The following MYO16 variants were observed in gnomAD, a reference collection of about 807,000 sequenced individuals.
MYO16 encodes myosin XVI.
Under a neutral mutation model 205.3 loss-of-function variants are expected in MYO16, and 94 were observed. The observed-to-expected ratio is 0.46, with a 90% CI of 0.39 to 0.54. The LOEUF is 0.54. Among genes scored for constraint, MYO16 ranks in the 20% least tolerant of loss-of-function variants. MYO16 has a pLI of 0.00. For missense variants in MYO16, 2,315 were observed against 2,387.5 expected, an observed-to-expected ratio of 0.97 and a Z score of 0.63; for synonymous variants, 988 against 954.0, an observed-to-expected ratio of 1.04 and a Z score of -0.66.
chr13:108,934,357 A>G (rs573002112), intron 16 of MYO16, among the ~76,000 whole-genome samples: 3 of 152,058 alleles, frequency 2.0e-5, no homozygotes, highest in Admixed American at 6.6e-5. Flanking sequence ...GATGAAAAGC[A>G]TTTTTTCTTA....
intron 2 of MYO16, among the ~76,000 whole-genome samples, chr13:108,689,961 A>G (rs1882827309): frequency 6.6e-6 from 1 of 152,176 alleles, no homozygotes; most frequent in Admixed American, 6.5e-5. Flanking sequence ...ATATGTACCT[A>G]AGTTATTTTG....
intron 16 of MYO16, among the ~76,000 whole-genome samples, chr13:108,940,446 A>G (rs1462913595): frequency 1.3e-5 from 2 of 152,154 alleles, no homozygotes. Context: ...GTGCATTCCA[A>G]TTAGTAATGG....
chr13:108,552,989 AG>A, the MYO16 span, among the ~76,000 whole-genome samples: 1 of 137,544 alleles, frequency 7.3e-6, no homozygotes, highest in Non-Finnish European at 1.5e-5. Flanking sequence ...CCCAACTCTT[AG>A]TACTCTTTAA....
At chr13:109,202,701 G>A (rs193205342) in intron 34 of MYO16, among the ~76,000 whole-genome samples, 52 of 151,984 alleles carry the variant, frequency 3.4e-4, no homozygotes, top group Non-Finnish European at 7.4e-5. Flanking sequence ...ACTAGAAAAA[G>A]CAATCCTAAA....
At chr13:108,891,191 T>G (rs192707888) in intron 14 of MYO16, among the ~76,000 whole-genome samples, 1 of 152,376 alleles carries the variant, frequency 6.6e-6, no homozygotes, top group African/African-American at 2.4e-5. Context: ...ACAACCCATT[T>G]GTATGTCATC....
At chr13:108,944,651 A>C (rs28402850) in intron 16 of MYO16, among the ~76,000 whole-genome samples, 1 of 152,208 alleles carries the variant, frequency 6.6e-6, no homozygotes, top group African/African-American at 2.4e-5. Flanking sequence ...ATAGTATGAG[A>C]GCGATTACTA....
intron 32 of MYO16, among the ~76,000 whole-genome samples, chr13:109,157,188 A>G (rs1320577016): frequency 7.3e-6 from 1 of 136,680 alleles, no homozygotes; most frequent in African/African-American, 2.8e-5. Flanking sequence ...TCTACTTCTA[A>G]TCTCTCCTCA....
chr13:108,721,682 G>A (rs528710308), intron 3 of MYO16, among the ~76,000 whole-genome samples: 3 of 152,286 alleles, frequency 2.0e-5, no homozygotes, highest in Non-Finnish European at 2.9e-5. Flanking sequence ...CAATGTAAGC[G>A]TTCAGTGATT....
At chr13:109,080,214 G>A (rs949894415) in intron 27 of MYO16, among the ~76,000 whole-genome samples, 1 of 152,030 alleles carries the variant, frequency 6.6e-6, no homozygotes, top group South Asian at 2.1e-4. Context: ...TGATAATGTG[G>A]ATAATATTTT....
chr13:108,718,024 C>T (rs1037857391), intron 3 of MYO16, among the ~76,000 whole-genome samples: 9 of 152,000 alleles, frequency 5.9e-5, no homozygotes, highest in South Asian at 2.1e-4. Context: ...TGCCCAAAAC[C>T]GAGCTGCTCT....
Position 108,629,805 on chromosome 13 carries a change from T to C in MYO16, c.-40T>C, listed in dbSNP as rs1879892702. On this transcript the variant is annotated 5_prime_UTR_variant, in exon 1 of 35. It removes an upstream start codon present in the reference 5' UTR. Transcript: ENST00000457511. ...GAACGACAGTTGTGACAGAAGAGAA[T>C]GCTGGAACCCGTAGCAAGATTCCTG... The C allele has an allele frequency of 6.6e-7, 1 of 1,519,530 alleles. No homozygotes were observed. Among genetic ancestry groups the C allele is most frequent in the East Asian group, 2.5e-5 (1 of 40,612 alleles). 94.1% of individuals were successfully genotyped at this position (1,519,530 alleles called of 1,614,324 possible). A position where few individuals can be genotyped will look rare whatever the true frequency, so the allele number is the denominator to read the frequency against.
rs1303844561 is a variant in MYO16, at chr13:108,905,751, CACTTTCCTCAGGAGCTTACTTTTCTTAA to C, written c.1778-4241_1778-4214del. Among the ~76,000 whole-genome samples the C allele has an allele frequency of 2.2e-5, 3 of 134,612 alleles. No individual in the cohort carries two copies. In the East Asian group the frequency reaches 7.3e-4, roughly 33 times the overall value. The allele number at this position is 134,612 out of a possible 152,430, so 88.3% of individuals were successfully genotyped here. A position where few individuals can be genotyped will look rare whatever the true frequency, so the allele number is the denominator to read the frequency against. ...TTGATGATATTGTTTCCTTTTCTTA[CACTTTCCTCAGGAGCTTACTTTTCTTAA>C]ACTTTCCTCAAGAGCTTACTTGTAA... On this transcript the variant is annotated intron_variant, in intron 15 of 34. Coordinates refer to ENST00000457511, the MANE Select transcript of MYO16 (RefSeq NM_001198950.3).
intron 9 of MYO16, among the ~76,000 whole-genome samples, chr13:108,841,137 G>C (rs1185561792): frequency 6.6e-6 from 1 of 152,130 alleles, no homozygotes; most frequent in Non-Finnish European, 1.5e-5. Flanking sequence ...CTGGTTTCAA[G>C]GCTAAATGAG....
At chr13:109,128,772 T>TG (rs1444600573) in intron 31 of MYO16, among the ~76,000 whole-genome samples, 1 of 145,466 alleles carries the variant, frequency 6.9e-6, no homozygotes, top group African/African-American at 2.7e-5. Flanking sequence ...TTTTTAGTTT[T>TG]TTTTTTTTTT....
chr13:108,953,573 T>G (rs891285960), intron 16 of MYO16, among the ~76,000 whole-genome samples: 3 of 152,014 alleles, frequency 2.0e-5, no homozygotes, highest in Non-Finnish European at 4.4e-5. Context: ...AGTTTTGTTT[T>G]TTTTTTTTTA....
chr13:109,103,890 T>C (rs1226374456), intron 28 of MYO16, among the ~76,000 whole-genome samples: 1 of 152,232 alleles, frequency 6.6e-6, no homozygotes, highest in Non-Finnish European at 1.5e-5. Context: ...CTGGAATTTT[T>C]AGTATTTAAT....
At chr13:109,177,823 C>G (rs2139911025) in intron 33 of MYO16, among the ~76,000 whole-genome samples, 1 of 152,182 alleles carries the variant, frequency 6.6e-6, no homozygotes, top group East Asian at 1.9e-4. Context: ...GCCCCGACTT[C>G]TAATTTATAA....
At chr13:108,819,453 T>A (rs988485730) in intron 7 of MYO16, among the ~76,000 whole-genome samples, 14 of 152,060 alleles carry the variant, frequency 9.2e-5, no homozygotes, top group Admixed American at 3.9e-4. Context: ...GTGCTAAGCA[T>A]ATAGAGAAGA....
chr13:108,671,637 G>A (rs894315495), intron 2 of MYO16, among the ~76,000 whole-genome samples: 2 of 152,078 alleles, frequency 1.3e-5, no homozygotes, highest in Admixed American at 1.3e-4. Flanking sequence ...TAAAATATTT[G>A]GCTCTAGAGG....
Sources: allele counts gnomAD v4.1 joint callset (sites outside exome capture counted in the v4.1 genomes callset), GRCh38; gene constraint gnomAD v4.1.1; transcripts MANE v1.5; gene names NCBI Gene and HGNC (gene_info 2026-07-23, HGNC 2026-07-21).